The following THAP4 variants were observed in gnomAD, a reference collection of about 807,000 sequenced individuals.
THAP4 encodes the protein peroxynitrite isomerase THAP4.
A neutral mutation model predicts 48.1 loss-of-function variants in THAP4; 18 were observed. The observed-to-expected ratio is 0.37, with a 90% confidence interval of 0.26 to 0.56. The LOEUF is 0.56. THAP4 is among the 20% of genes least tolerant of loss of function. The pLI is 0.78. For synonymous variants in THAP4, 345 were observed against 324.9 expected (o/e 1.06, Z -0.66); for missense variants, 656 against 774.9 (o/e 0.85, Z 1.82).
intron 2 of THAP4, among the ~76,000 whole-genome samples, chr2:241,620,533 C>A (rs151146401): frequency 5.0e-5 from 5 of 100,720 alleles, no homozygotes; most frequent in Non-Finnish European, 7.7e-5. Flanking sequence ...GTGAGTGAGT[C>A]GGTGACTGAG....
At chr2:241,603,115 T>C in intron 3 of THAP4, 36 bp from the exon 4 acceptor site, 9 of 1,568,350 alleles carry the variant, frequency 5.7e-6, no homozygotes, top group Non-Finnish European at 7.0e-6. Context: ...GCCCAGGCAC[T>C]GGCCTCCAAG....
intron 2 of THAP4, among the ~76,000 whole-genome samples, chr2:241,627,508 G>A (rs552651706): frequency 5.2e-4 from 79 of 152,326 alleles, no homozygotes; most frequent in Non-Finnish European, 9.3e-4. Context: ...GAACGCCACC[G>A]GGCACTGCCT....
In THAP4 at chr2:241,590,089, C is replaced by T. The variant is rs576948981; in HGVS notation, c.1615-5364G>A. Among the ~76,000 whole-genome samples, 84 of 151,506 alleles carry T rather than the reference C, an allele frequency of 5.5e-4. 1 individual carries two copies. The highest frequency in any genetic ancestry group is 1.1e-3 in the Admixed American group (17 of 15,176). The stretch of plus-strand genomic sequence containing the variant: ...GCTGACGATGATGGGCACTAGGACA[C>T]GCAGAGCTGCTCGGCTGACGATGAT... On this transcript the variant is annotated intron_variant, in intron 5 of 5. Transcript: ENST00000407315.
chr2:241,636,588 A>G (rs2067662403), intron 1 of THAP4, among the ~76,000 whole-genome samples: 1 of 152,202 alleles, frequency 6.6e-6, no homozygotes, highest in Non-Finnish European at 1.5e-5. Context: ...GCTCGCAGAC[A>G]TCCAGGCCGA....
At chr2:241,620,514 G>C (rs1458983178) in intron 2 of THAP4, among the ~76,000 whole-genome samples, 2 of 144,842 alleles carry the variant, frequency 1.4e-5, no homozygotes, top group Non-Finnish European at 3.0e-5. Flanking sequence ...AGTGAGGAGT[G>C]AGTGAGGGGT....
At chr2:241,590,946 G>A (rs2066966791) in intron 5 of THAP4, among the ~76,000 whole-genome samples, 2 of 146,534 alleles carry the variant, frequency 1.4e-5, no homozygotes, top group African/African-American at 5.0e-5. Context: ...AGGACACACA[G>A]AGCTGCTCGG....
chr2:241,618,130 C>T (rs2067370756), intron 2 of THAP4, among the ~76,000 whole-genome samples: 1 of 152,176 alleles, frequency 6.6e-6, no homozygotes, highest in Non-Finnish European at 1.5e-5. Flanking sequence ...GAGGAGCTGT[C>T]CAGGAACACC....
chr2:241,592,858 G>A (rs1306094145), intron 5 of THAP4, among the ~76,000 whole-genome samples: 1 of 152,194 alleles, frequency 6.6e-6, no homozygotes, highest in African/African-American at 2.4e-5. Flanking sequence ...GCCTAACAAG[G>A]GCCACGGGAC....
chr2:241,612,322 G>A lies in THAP4; in HGVS notation c.1241-5849C>T, dbSNP rs2067287918. Among the ~76,000 whole-genome samples, 1 of 152,218 alleles carries A rather than the reference G, an allele frequency of 6.6e-6. No individual in the cohort carries two copies. Among genetic ancestry groups the A allele is most frequent in the Non-Finnish European group, 1.5e-5 (1 of 68,044 alleles). ...GAAGGACGGGAACGCCTGGCACACT[G>A]CTGATGGGGACGTGAACTGGCACAG... On this transcript the variant is annotated intron_variant, in intron 2 of 5. Transcript: ENST00000407315. The surrounding 1 kb of genome is among the most constrained non-coding windows in gnomAD (Gnocchi z 4.1).
chr2:241,598,770 A>C (rs920754542), intron 5 of THAP4, among the ~76,000 whole-genome samples: 4 of 152,140 alleles, frequency 2.6e-5, no homozygotes, highest in Non-Finnish European at 5.9e-5. Context: ...CTTCAAGAGG[A>C]AGACAAGGGG....
Position 241,631,809 on chromosome 2 carries a change from G to T in THAP4, c.1240+1108C>A, listed in dbSNP as rs148523822. On this transcript the variant is annotated intron_variant, in intron 2 of 5. Coordinates refer to ENST00000407315, the MANE Select transcript of THAP4 (RefSeq NM_015963.6). ...AACAACAAGGAATAGAACTTGGGAG[G>T]TGGATGACAAACAATAATTTTTTTA... Among the ~76,000 whole-genome samples the T allele has an allele frequency of 3.3e-3, 498 of 152,168 alleles. 10 individuals are homozygous for T. In the East Asian group the frequency reaches 0.059, roughly 18 times the overall value.
Position 241,591,842 on chromosome 2 carries a change from C to G in THAP4, c.1615-7117G>C, listed in dbSNP as rs528230973. 7 of 152,324 alleles carry G rather than the reference C, an allele frequency of 4.6e-5. No individual in the cohort carries two copies. In the East Asian group the frequency reaches 1.2e-3, roughly 25 times the overall value. 9.4% of individuals were successfully genotyped at this position (152,324 alleles called of 1,614,324 possible). A position where few individuals can be genotyped will look rare whatever the true frequency, so the allele number is the denominator to read the frequency against. On this transcript the variant is annotated intron_variant, in intron 5 of 5. Coordinates refer to ENST00000407315, the MANE Select transcript of THAP4 (RefSeq NM_015963.6). ...GACTGCTTAACTAAGACATTAAAAACAGAATCCATAAAGGAAGAGATTGGC... is the reference window on the plus strand; with the variant it reads ...GACTGCTTAACTAAGACATTAAAAAGAGAATCCATAAAGGAAGAGATTGGC...
chr2:241,610,134 G>A lies in THAP4; in HGVS notation c.1241-3661C>T, dbSNP rs1055193377. Among the ~76,000 whole-genome samples, 1 of 152,206 alleles carries A rather than the reference G, an allele frequency of 6.6e-6. No individual in the cohort carries two copies. Among genetic ancestry groups the A allele is most frequent in the Non-Finnish European group, 1.5e-5 (1 of 68,014 alleles). On this transcript the variant is annotated intron_variant, in intron 2 of 5. Transcript: ENST00000407315. This position sits in a 1 kb window ranked among gnomAD's most constrained non-coding sequence, Gnocchi z 4.2. ...CCTGGCGGCGCCCCCCAGGGTCCCA[G>A]TGGAACAGGGGCACCAGGGCCGCGG...
chr2:241,620,703 TG>T (rs2067419257), intron 2 of THAP4, among the ~76,000 whole-genome samples: 2 of 151,838 alleles, frequency 1.3e-5, no homozygotes, highest in Admixed American at 6.6e-5. Flanking sequence ...TGCAAAGGCC[TG>T]GGAGATGACT....
rs372089541 is a variant in THAP4, at chr2:241,584,583, C to T, written c.*23G>A. ...TTGAGGCACAGTAGCCAGGCCCTCCCGAGGGCTCCAGAAGCTCTAGGTTTA... is the reference window on the plus strand; with the variant it reads ...TTGAGGCACAGTAGCCAGGCCCTCCTGAGGGCTCCAGAAGCTCTAGGTTTA... On this transcript the variant is annotated 3_prime_UTR_variant, in exon 6 of 6. Transcript: ENST00000407315. 37 of 1,613,668 alleles carry T rather than the reference C, an allele frequency of 2.3e-5. No individual in the cohort carries two copies. Among genetic ancestry groups the T allele is most frequent in the African/African-American group, 2.1e-4 (16 of 74,812 alleles).
rs1350115142 is a variant in THAP4 at position 241,602,055 on chromosome 2, G to GGACT, written c.1511-57_1511-56insAGTC. 1.9e-5 allele frequency: 30 copies of GGACT among 1,551,360 alleles called. No individual in the cohort carries two copies. The African/African-American group carries it at 3.4e-4, about 17-fold the overall frequency. Reference sequence around the variant, plus strand: ...CAGCTGCTCGGCTTGCAGAGAGGCAGCCTTGACTCTCCTTGCCTGCAAGCC... The same window carrying GGACT: ...CAGCTGCTCGGCTTGCAGAGAGGCAGGACTCCTTGACTCTCCTTGCCTGCAAGCC... On this transcript the variant is annotated intron_variant, in intron 4 of 5. Coordinates refer to ENST00000407315, the MANE Select transcript of THAP4 (RefSeq NM_015963.6).
At chr2:241,593,989 A>G (rs2067019036) in intron 5 of THAP4, among the ~76,000 whole-genome samples, 1 of 152,196 alleles carries the variant, frequency 6.6e-6, no homozygotes, top group Non-Finnish European at 1.5e-5. Flanking sequence ...GAGGCACAGT[A>G]TTCTTCTTAA....
At chr2:241,602,442 G>A (rs898237946) in intron 4 of THAP4, among the ~76,000 whole-genome samples, 17 of 150,144 alleles carry the variant, frequency 1.1e-4, no homozygotes, top group Admixed American at 2.0e-4. Context: ...TTGGCTCACC[G>A]CAACCTCTGC....
In THAP4 at chr2:241,633,818, C is replaced by T. The variant is rs533687391; in HGVS notation, c.339G>A (p.Arg113=). ...KDASKATGGV[R]GHSSAATSRG... Reference sequence around the variant, plus strand: ...TGCTGGTGGCGGCACTCGAGTGTCCCCTCACACCCCCTGTGGCCTTGCTGG... The same window carrying T: ...TGCTGGTGGCGGCACTCGAGTGTCCTCTCACACCCCCTGTGGCCTTGCTGG... Residue 113 remains arginine, a synonymous_variant, in exon 2 of 6, where the codon AGG becomes AGA. Coordinates refer to ENST00000407315, the MANE Select transcript of THAP4 (RefSeq NM_015963.6). The surrounding 1 kb of genome is among the most constrained non-coding windows in gnomAD (Gnocchi z 7.5). 1.8e-5 allele frequency: 29 copies of T among 1,613,714 alleles called. No individual in the cohort carries two copies. Among genetic ancestry groups the T allele is most frequent in the Middle Eastern group, 1.6e-4 (1 of 6,078 alleles).
Sources: gnomAD v4.1 joint callset for allele counts (sites outside exome capture counted in the v4.1 genomes callset) on GRCh38, gnomAD v4.1.1 for gene constraint, Gnocchi (gnomAD v3.1) non-coding constraint, MANE v1.5 for transcripts, NCBI Gene and HGNC (gene_info 2026-07-23, HGNC 2026-07-21) for gene names.